The following CABP1 variants were observed in gnomAD, a reference collection of about 807,000 sequenced individuals.
CABP1 encodes the protein calcium-binding protein 1.
In CABP1, 17 loss-of-function variants were observed where a neutral mutation model predicts 34.3. That is an observed-to-expected ratio of 0.50 (90% confidence interval 0.34 to 0.74). CABP1 has a LOEUF of 0.74. Among genes scored for constraint, CABP1 ranks in the 30% least tolerant of loss-of-function variants. The pLI is 0.01. For missense variants in CABP1, 373 were observed against 511.1 expected, an observed-to-expected ratio of 0.73 and a Z score of 2.61; for synonymous variants, 198 against 229.2, an observed-to-expected ratio of 0.86 and a Z score of 1.23.
chr12:120,680,708 G>T, the CABP1 span, among the ~76,000 whole-genome samples: 1 of 152,110 alleles, frequency 6.6e-6, no homozygotes. Flanking sequence ...GAGCAAACCT[G>T]GGGTTATCTG....
intron 1 of CABP1, among the ~76,000 whole-genome samples, chr12:120,653,730 C>T (rs534407897): frequency 5.9e-5 from 9 of 152,256 alleles, no homozygotes; most frequent in South Asian, 2.1e-4. Flanking sequence ...GACGGGGTTT[C>T]GCCATGTTGG....
At chr12:120,674,272 C>T in the CABP1 span, among the ~76,000 whole-genome samples, 30 of 152,388 alleles carry the variant, frequency 2.0e-4, no homozygotes, top group African/African-American at 6.5e-4. Flanking sequence ...TGTGTCATCA[C>T]GCCTCAGCGA....
the CABP1 span, among the ~76,000 whole-genome samples, chr12:120,673,825 A>G: frequency 1.3e-5 from 2 of 152,176 alleles, no homozygotes; most frequent in Non-Finnish European, 1.5e-5. Flanking sequence ...GTTGTTCTGA[A>G]GATGAAACAA....
Position 120,655,853 on chromosome 12 carries a change from G to A in CABP1, c.655-4025G>A, listed in dbSNP as rs904730356. ...TGCGTGTGTGTGTGTGTGTGTGTGC[G>A]CATGTGCCACACAGAGGGCATCACA... On this transcript the variant is annotated intron_variant, in intron 1 of 5. Transcript: ENST00000316803. 7.9e-6 allele frequency: 12 copies of A among 1,526,988 alleles called. No individual in the cohort carries two copies. The Admixed American group carries it at 9.9e-5, about 13-fold the overall frequency. The allele number at this position is 1,526,988 out of a possible 1,614,324, so 94.6% of individuals were successfully genotyped here. A position where few individuals can be genotyped will look rare whatever the true frequency, so the allele number is the denominator to read the frequency against.
the CABP1 span, among the ~76,000 whole-genome samples, chr12:120,674,546 G>C: frequency 6.6e-6 from 1 of 152,200 alleles, no homozygotes; most frequent in Non-Finnish European, 1.5e-5. Context: ...CTACAGAGGG[G>C]ACAGGGGTCT....
chr12:120,660,469 C>A lies in CABP1; in HGVS notation c.829+130C>A. The A allele has an allele frequency of 9.6e-7, 1 of 1,039,784 alleles. No homozygotes were observed. The highest frequency in any genetic ancestry group is 1.4e-6 in the Non-Finnish European group (1 of 721,262). The allele number at this position is 1,039,784 out of a possible 1,614,324, so 64.4% of individuals were successfully genotyped here. On this transcript the variant is annotated intron_variant, in intron 3 of 5. Transcript: ENST00000316803. This position sits in a 1 kb window ranked among gnomAD's most constrained non-coding sequence, Gnocchi z 5.0. ...TCTGTGATCTGGGGCCAACCACTTACCCTCTCTGAGCCTCAGTTTCCTCAC... is the reference window on the plus strand; with the variant it reads ...TCTGTGATCTGGGGCCAACCACTTAACCTCTCTGAGCCTCAGTTTCCTCAC...
chr12:120,680,849 G>A, the CABP1 span, among the ~76,000 whole-genome samples: 4 of 151,960 alleles, frequency 2.6e-5, no homozygotes, highest in South Asian at 8.3e-4. Context: ...AGCACTTTGG[G>A]AGGCCGAGGC....
intron 5 of CABP1, among the ~76,000 whole-genome samples, chr12:120,663,804 G>A (rs982889291): frequency 7.2e-5 from 11 of 152,200 alleles, no homozygotes; most frequent in African/African-American, 2.7e-4. Context: ...AGGCAGAGCT[G>A]GGGCACAGCC....
In CABP1 at chr12:120,650,750, T is replaced by C. The variant is rs1879794034; in HGVS notation, c.655-9128T>C. On this transcript the variant is annotated intron_variant, in intron 1 of 5. Transcript: ENST00000316803. ...GGTATCTCACCATCTGTCTCAGAGG[T>C]TGGGCACAGAAAGGGTGGCTGGAGC... 4 of 1,537,448 alleles carry C rather than the reference T, an allele frequency of 2.6e-6. No individual in the cohort carries two copies. The East Asian group carries it at 6.7e-5, about 26-fold the overall frequency.
intron 1 of CABP1, among the ~76,000 whole-genome samples, chr12:120,648,057 A>G (rs1879632452): frequency 6.6e-6 from 1 of 152,188 alleles, no homozygotes; most frequent in African/African-American, 2.4e-5. Flanking sequence ...TCTCTGCTTT[A>G]TGCTGTGCTG....
At chr12:120,644,814 GTTTAT>G (rs905413720) in intron 1 of CABP1, among the ~76,000 whole-genome samples, 1 of 152,122 alleles carries the variant, frequency 6.6e-6, no homozygotes, top group Non-Finnish European at 1.5e-5. Flanking sequence ...TGGTTTGTTT[GTTTAT>G]TTTGAGACAC....
chr12:120,666,764 G>A (rs1165915377), intron 5 of CABP1, 111 bp from the exon 6 acceptor site: 5 of 1,185,668 alleles, frequency 4.2e-6, no homozygotes, highest in Admixed American at 2.0e-5. Context: ...CGGAATGGAT[G>A]GGGGACCAGC....
At chr12:120,654,395 G>A (rs761325786) in intron 1 of CABP1, among the ~76,000 whole-genome samples, 2 of 152,134 alleles carry the variant, frequency 1.3e-5, no homozygotes, top group Admixed American at 6.5e-5. Context: ...GTGGGCAGGG[G>A]GTTGTTCTGA....
chr12:120,660,443 C>G lies in CABP1; in HGVS notation c.829+104C>G. The G allele has an allele frequency of 7.8e-7, 1 of 1,282,202 alleles. No individual in the cohort carries two copies. Among genetic ancestry groups the G allele is most frequent in the Non-Finnish European group, 1.1e-6 (1 of 932,692 alleles). 79.4% of individuals were successfully genotyped at this position (1,282,202 alleles called of 1,614,324 possible). ...AAATTCTGCATCCACCTCTTACCAG[C>G]TCTGTGATCTGGGGCCAACCACTTA... On this transcript the variant is annotated intron_variant, in intron 3 of 5. Coordinates refer to ENST00000316803, the MANE Select transcript of CABP1 (RefSeq NM_001033677.2). This position sits in a 1 kb window ranked among gnomAD's most constrained non-coding sequence, Gnocchi z 5.0.
intron 1 of CABP1, chr12:120,650,449 C>A: frequency 7.2e-7 from 1 of 1,384,344 alleles, no homozygotes; most frequent in Non-Finnish European, 9.4e-7. Flanking sequence ...AAAAAAAAAT[C>A]GGAGAGCAGG....
At chr12:120,667,325 G>C (rs763845538), downstream of CABP1, 43 of 228,956 alleles carry the variant, frequency 1.9e-4, no homozygotes, top group Middle Eastern at 4.6e-3. Context: ...CCAAGAGCAA[G>C]ACAGCCGTGA....
At chr12:120,647,438 G>T (rs11065182) in intron 1 of CABP1, among the ~76,000 whole-genome samples, 2,938 of 151,006 alleles carry the variant, frequency 0.019, 91 homozygotes, top group African/African-American at 0.068. Flanking sequence ...GTCCAGGCTG[G>T]TCTCGAACTC....
chr12:120,673,160 C>T, the CABP1 span, among the ~76,000 whole-genome samples: 1 of 152,118 alleles, frequency 6.6e-6, no homozygotes, highest in African/African-American at 2.4e-5. Flanking sequence ...CAGAGAGGAG[C>T]TTCTGGGGTG....
At chr12:120,651,633 G>A (rs551722691) in intron 1 of CABP1, among the ~76,000 whole-genome samples, 1 of 152,258 alleles carries the variant, frequency 6.6e-6, no homozygotes, top group African/African-American at 2.4e-5. Flanking sequence ...CTATGGCCTC[G>A]GGTGAGCTAT....
Sources: allele counts gnomAD v4.1 joint callset (sites outside exome capture counted in the v4.1 genomes callset), GRCh38; gene constraint gnomAD v4.1.1; non-coding constraint Gnocchi (gnomAD v3.1); transcripts MANE v1.5; gene names NCBI Gene and HGNC (gene_info 2026-07-23, HGNC 2026-07-21).